TTC1: variants seen among roughly 807,000 people sequenced by gnomAD.
TTC1 encodes the protein tetratricopeptide repeat protein 1.
Under a neutral mutation model 37.6 loss-of-function variants are expected in TTC1, and 31 were observed. The ratio of observed to expected loss-of-function variants is 0.82; its 90% confidence interval spans 0.62 to 1.11. The LOEUF is 1.11. Among genes scored for constraint, TTC1 ranks in the 50% most tolerant of loss-of-function variants. TTC1 has a pLI of 0.00. For synonymous variants in TTC1, 127 were observed against 122.4 expected (o/e 1.04, Z -0.25); for missense variants, 351 against 339.0 (o/e 1.04, Z -0.28).
intron 7 of TTC1, among the ~76,000 whole-genome samples, chr5:160,055,071 C>G (rs185707092): frequency 6.6e-6 from 1 of 152,114 alleles, no homozygotes; most frequent in Non-Finnish European, 1.5e-5. Context: ...TTATGGCAGC[C>G]ATGCTGGGAG....
intron 4 of TTC1, among the ~76,000 whole-genome samples, chr5:160,041,304 GCTTT>G (rs766989847): frequency 1.7e-4 from 25 of 147,966 alleles, no homozygotes; most frequent in African/African-American, 2.2e-4. Flanking sequence ...TATGTATTAT[GCTTT>G]CTTTCTTTTT....
chr5:160,036,595 C>T, intron 3 of TTC1, 96 bp from the exon 4 acceptor site: 1 of 816,860 alleles, frequency 1.2e-6, no homozygotes, highest in Non-Finnish European at 2.0e-6. Flanking sequence ...AAACCTTCAT[C>T]CTATGAATGG....
chr5:160,050,324 G>A (rs942161599), intron 6 of TTC1, among the ~76,000 whole-genome samples: 2 of 151,700 alleles, frequency 1.3e-5, no homozygotes, highest in Admixed American at 6.6e-5. Context: ...GCACATGCCT[G>A]TAATCCCAGC....
In TTC1 at chr5:160,065,485, C is replaced by G. The variant is rs1426768643; in HGVS notation, c.*420C>G. 1 of 446,060 alleles carries G rather than the reference C, an allele frequency of 2.2e-6. No individual in the cohort carries two copies. The allele number at this position is 446,060 out of a possible 1,614,324, so 27.6% of individuals were successfully genotyped here. A position where few individuals can be genotyped will look rare whatever the true frequency, so the allele number is the denominator to read the frequency against. ...GTCCCCTCCCTGATCACACAGCTAACGAGGCTGCCTCCAGCATTTCCTGAT... is the reference window on the plus strand; with the variant it reads ...GTCCCCTCCCTGATCACACAGCTAAGGAGGCTGCCTCCAGCATTTCCTGAT... On this transcript the variant is annotated 3_prime_UTR_variant, in exon 8 of 8. Coordinates refer to ENST00000231238, the MANE Select transcript of TTC1 (RefSeq NM_003314.3).
intron 7 of TTC1, among the ~76,000 whole-genome samples, chr5:160,062,930 GC>G (rs1753468701): frequency 6.6e-6 from 1 of 152,026 alleles, no homozygotes; most frequent in Non-Finnish European, 1.5e-5. Flanking sequence ...CTTGTTGTGA[GC>G]CCCTCCCTCT....
chr5:160,014,683 A>G (rs1348789488), intron 2 of TTC1, among the ~76,000 whole-genome samples: 2 of 152,262 alleles, frequency 1.3e-5, no homozygotes, highest in Admixed American at 1.3e-4. Flanking sequence ...AGCCTGTGCA[A>G]CAGAGTGAGA....
chr5:160,064,094 T>G (rs1337121689), intron 7 of TTC1, among the ~76,000 whole-genome samples: 1 of 149,580 alleles, frequency 6.7e-6, no homozygotes, highest in Non-Finnish European at 1.5e-5. Flanking sequence ...TCAGCCTCCC[T>G]AGTAGCTGGG....
At position 160,048,471 on chromosome 5, in the gene TTC1, A is replaced by G. The variant is rs577249555; in HGVS notation, c.542-1043A>G. Among the ~76,000 whole-genome samples the G allele has an allele frequency of 2.0e-5, 3 of 152,258 alleles. No homozygotes were observed. In the South Asian group the frequency reaches 6.2e-4, roughly 32 times the overall value. On this transcript the variant is annotated intron_variant, in intron 5 of 7. Transcript: ENST00000231238. ...CACCCGGCCAGCACTGCTTTCTAAT[A>G]GAAAAAGAAACAACTTGGAAGAAAT...
At position 160,049,589 on chromosome 5, in the gene TTC1, A is replaced by G. The variant is rs1757347161; in HGVS notation, c.617A>G (p.Asp206Gly). 4 of 1,612,608 alleles carry G rather than the reference A, an allele frequency of 2.5e-6. No homozygotes were observed. The highest frequency in any genetic ancestry group is 1.1e-5 in the South Asian group (1 of 90,778). The part of the protein sequence containing the change: ...AELYEKTDKL[D>G]EALEDYKSIL... Reference sequence around the variant, plus strand: ...TTGTATGAGAAGACGGACAAGCTAGATGAAGCCCTGGAAGACTATAAATCT... The same window carrying G: ...TTGTATGAGAAGACGGACAAGCTAGGTGAAGCCCTGGAAGACTATAAATCT... The change falls in exon 6 of 8, where the codon GAT (aspartate) becomes GGT (glycine). Residue 206 changes from aspartate to glycine, a missense_variant. Coordinates refer to ENST00000231238, the MANE Select transcript of TTC1 (RefSeq NM_003314.3).
chr5:160,064,860 G>A (rs1205422394), intron 7 of TTC1, 72 bp from the exon 8 acceptor site: 4 of 1,493,048 alleles, frequency 2.7e-6, no homozygotes, highest in Non-Finnish European at 2.7e-6. Context: ...CAGTGGTAAG[G>A]CAAGATTAAT....
chr5:160,037,701 CA>C (rs1302020423), intron 4 of TTC1, among the ~76,000 whole-genome samples: 3 of 148,900 alleles, frequency 2.0e-5, no homozygotes, highest in Admixed American at 1.3e-4. Flanking sequence ...AACTCTGTCT[CA>C]AAAAAAAAGT....
chr5:160,011,952 C>T (rs1171908016), intron 2 of TTC1, among the ~76,000 whole-genome samples: 3 of 152,172 alleles, frequency 2.0e-5, no homozygotes, highest in Admixed American at 2.0e-4. Context: ...CTTTCTCTCT[C>T]CTTAGACGCT....
chr5:160,036,468 A>C lies in TTC1; in HGVS notation c.392-223A>C, dbSNP rs563621455. 1.1e-4 allele frequency: 44 copies of C among 416,850 alleles called. No individual in the cohort carries two copies. The South Asian group carries it at 1.2e-3, about 12-fold the overall frequency. The allele number at this position is 416,850 out of a possible 1,614,324, so 25.8% of individuals were successfully genotyped here. ...TGACAGCATGTTCAGCTGTCAGTTC[A>C]CCAAGCACAGCCTGTGAGATTGGCA... On this transcript the variant is annotated intron_variant, in intron 3 of 7. Coordinates refer to ENST00000231238, the MANE Select transcript of TTC1 (RefSeq NM_003314.3).
At position 160,049,617 on chromosome 5, in the gene TTC1, A is replaced by T; in HGVS notation, c.645A>T (p.Ile215=). 1 of 1,607,090 alleles carries T rather than the reference A, an allele frequency of 6.2e-7. No homozygotes were observed. Among genetic ancestry groups the T allele is most frequent in the Non-Finnish European group, 8.5e-7 (1 of 1,177,768 alleles). The change falls in exon 6 of 8, where the codon ATA becomes ATT. Residue 215 remains isoleucine (I), a synonymous_variant. Coordinates refer to ENST00000231238, the MANE Select transcript of TTC1 (RefSeq NM_003314.3). The stretch of plus-strand genomic sequence containing the variant: ...AAGCCCTGGAAGACTATAAATCTAT[A>T]TTAGAAAAAGATCCATCAATACATC... ...LDEALEDYKS[I]LEKDPSIHQA...
rs12519715 is a variant in TTC1 at position 160,057,418 on chromosome 5, T to A, written c.745+6235T>A. ...CAGCACTGTGTCTAAAAAAAAAAAA[T>A]GTACATACCTTAATTTTAAAATACA... is the stretch of plus-strand genomic sequence containing the variant. On this transcript the variant is annotated intron_variant, in intron 7 of 7. Transcript: ENST00000231238. This position sits in a 1 kb window ranked among gnomAD's most constrained non-coding sequence, Gnocchi z 4.4. Among the ~76,000 whole-genome samples the A allele has an allele frequency of 0.071, 10,672 of 150,860 alleles. 452 individuals carry two copies. Among genetic ancestry groups the A allele is most frequent in the African/African-American group, 0.12 (4,931 of 41,286 alleles).
Position 160,010,510 on chromosome 5 carries a change from A to G in TTC1, c.-19A>G, listed in dbSNP as rs756350371. 6.3e-7 allele frequency: 1 copy of G among 1,597,866 alleles called. No homozygotes were observed. The highest frequency in any genetic ancestry group is 1.3e-5 in the African/African-American group (1 of 74,270). On this transcript the variant is annotated 5_prime_UTR_variant, in exon 2 of 8. Transcript: ENST00000231238. ...TTTGTTTTCCCCCAGCTTTAGCGTC[A>G]CCTCCCTCACTGGGCAGCATGGGGG...
rs1441057589 is a variant in TTC1 at position 160,053,564 on chromosome 5, T to TA, written c.745+2390dup. 1.2e-4 allele frequency among the ~76,000 whole-genome samples: 18 copies of TA among 151,338 alleles called. No homozygotes were observed. In the East Asian group the frequency reaches 2.5e-3, roughly 21 times the overall value. ...GGGTGACAGAGTGAGACCTTGTCTT[T>TA]AAAAAAAAAGAAAATTATAAAATCA... On this transcript the variant is annotated intron_variant, in intron 7 of 7. Transcript: ENST00000231238.
intron 4 of TTC1, among the ~76,000 whole-genome samples, chr5:160,038,532 T>C (rs1271046906): frequency 6.6e-6 from 1 of 152,206 alleles, no homozygotes; most frequent in Non-Finnish European, 1.5e-5. Flanking sequence ...GTTAGGAAAA[T>C]GTATGGTCTT....
intron 7 of TTC1, among the ~76,000 whole-genome samples, chr5:160,052,398 G>T (rs1180988612): frequency 8.6e-6 from 1 of 115,850 alleles, no homozygotes; most frequent in African/African-American, 2.7e-5. Flanking sequence ...TACATGGGAG[G>T]ATCACTTGAG....
Sources: allele counts gnomAD v4.1 joint callset (sites outside exome capture counted in the v4.1 genomes callset), GRCh38; gene constraint gnomAD v4.1.1; non-coding constraint Gnocchi (gnomAD v3.1); transcripts MANE v1.5; gene names NCBI Gene and HGNC (gene_info 2026-07-23, HGNC 2026-07-21).